Variants in SH3RF3 observed in about 807,000 individuals in gnomAD.
The protein encoded by SH3RF3 is SH3 domain containing ring finger 3.
In SH3RF3, 29 loss-of-function variants were observed where a neutral mutation model predicts 66.3. That is an observed-to-expected ratio of 0.44 (90% CI 0.33 to 0.60). SH3RF3 has a LOEUF of 0.60. Among genes scored for constraint, SH3RF3 ranks in the 20% least tolerant of loss-of-function variants. The probability of loss-of-function intolerance (pLI) is 0.04; values close to 1 mark genes in which losing one functional copy is unlikely to be tolerated. For missense variants in SH3RF3, 1,194 were observed against 1,190.9 expected (o/e 1.00, Z -0.04); for synonymous variants, 583 against 532.0 (o/e 1.10, Z -1.32).
chr2:109,442,764 C>A (rs1297518642), intron 7 of SH3RF3, among the ~76,000 whole-genome samples: 1 of 151,964 alleles, frequency 6.6e-6, no homozygotes, highest in African/African-American at 2.4e-5. Context: ...ATGAAAACAT[C>A]CAAAAGAAAG....
intron 1 of SH3RF3, among the ~76,000 whole-genome samples, chr2:109,188,131 G>A (rs1228132674): frequency 6.6e-6 from 1 of 152,248 alleles, no homozygotes; most frequent in Non-Finnish European, 1.5e-5. Context: ...ATGAGCATGG[G>A]AAACAAAATA....
chr2:109,477,626 G>A (rs1375048846), intron 8 of SH3RF3, among the ~76,000 whole-genome samples: 1 of 152,040 alleles, frequency 6.6e-6, no homozygotes, highest in African/African-American at 2.4e-5. Flanking sequence ...GTGTGTGTGT[G>A]TGTGTGTGTG....
At position 109,241,647 on chromosome 2, in the gene SH3RF3, C is replaced by G. The variant is rs372232906; in HGVS notation, c.574-106027C>G. On this transcript the variant is annotated intron_variant, in intron 1 of 9. Transcript: ENST00000309415. ...GGGCCCCTGGGACTCTCTGTCTCCC[C>G]GCCTCGCCATGGTGAGGGTTCGGCA... is the stretch of plus-strand genomic sequence containing the variant. Among the ~76,000 whole-genome samples, 70 of 152,230 alleles carry G rather than the reference C, an allele frequency of 4.6e-4. 1 individual carries two copies. The East Asian group carries it at 0.013, about 28-fold the overall frequency.
intron 8 of SH3RF3, among the ~76,000 whole-genome samples, chr2:109,450,835 T>C (rs775272872): frequency 6.6e-6 from 1 of 152,378 alleles, no homozygotes; most frequent in Non-Finnish European, 1.5e-5. Flanking sequence ...GGGATTGTTC[T>C]CTCTTGGCTT....
intron 8 of SH3RF3, among the ~76,000 whole-genome samples, chr2:109,472,367 G>A (rs1678541688): frequency 6.6e-6 from 1 of 152,042 alleles, no homozygotes; most frequent in Non-Finnish European, 1.5e-5. Flanking sequence ...TGCATGCAGG[G>A]TGTCCTGGAA....
At chr2:109,376,296 G>C (rs78139368) in intron 3 of SH3RF3, among the ~76,000 whole-genome samples, 3,487 of 152,352 alleles carry the variant, frequency 0.023, 64 homozygotes, top group South Asian at 0.049. Flanking sequence ...CACAGGTCCA[G>C]GGTGTGGACG....
chr2:109,130,571 G>T (rs1353431867), intron 1 of SH3RF3, among the ~76,000 whole-genome samples: 1 of 152,114 alleles, frequency 6.6e-6, no homozygotes, highest in Non-Finnish European at 1.5e-5. Context: ...CTGCGGTGTG[G>T]CTAAGGAGGG....
At chr2:109,248,017 G>C (rs1279304461) in intron 1 of SH3RF3, among the ~76,000 whole-genome samples, 1 of 152,178 alleles carries the variant, frequency 6.6e-6, no homozygotes, top group Non-Finnish European at 1.5e-5. Flanking sequence ...TCACAGGGCT[G>C]CCAAATCTAG....
intron 4 of SH3RF3, 41 bp from the exon 5 acceptor site, chr2:109,419,498 T>C: frequency 6.5e-7 from 1 of 1,542,588 alleles, no homozygotes; most frequent in Middle Eastern, 1.7e-4. Flanking sequence ...TTGGATGGAG[T>C]CTCTGTCTCC....
intron 7 of SH3RF3, among the ~76,000 whole-genome samples, chr2:109,438,979 G>T (rs997679454): frequency 6.6e-6 from 1 of 152,172 alleles, no homozygotes; most frequent in Admixed American, 6.5e-5. Context: ...CACTCATCAC[G>T]GTGAGTCAGC....
At chr2:109,206,781 A>C (rs939456453) in intron 1 of SH3RF3, among the ~76,000 whole-genome samples, 1 of 152,202 alleles carries the variant, frequency 6.6e-6, no homozygotes, top group African/African-American at 2.4e-5. Context: ...GTGCCACTGC[A>C]CTCCAGCCTG....
intron 1 of SH3RF3, among the ~76,000 whole-genome samples, chr2:109,226,729 C>A (rs898810969): frequency 2.2e-4 from 33 of 152,182 alleles, no homozygotes; most frequent in African/African-American, 7.5e-4. Flanking sequence ...ACGCAGAAGG[C>A]GTGGTGCTGG....
At chr2:109,175,096 G>GC (rs11408935) in intron 1 of SH3RF3, among the ~76,000 whole-genome samples, 39,927 of 152,032 alleles carry the variant, frequency 0.26, 5,562 homozygotes, top group East Asian at 0.42. Flanking sequence ...GCTAAGAAGT[G>GC]CATTCATGCC....
chr2:109,381,682 T>C (rs1675677509), intron 3 of SH3RF3, among the ~76,000 whole-genome samples: 1 of 151,988 alleles, frequency 6.6e-6, no homozygotes, highest in African/African-American at 2.4e-5. Flanking sequence ...GATGGCTAAA[T>C]AGTAGAAAGG....
chr2:109,203,093 A>C (rs554826359), intron 1 of SH3RF3, among the ~76,000 whole-genome samples: 4 of 152,308 alleles, frequency 2.6e-5, no homozygotes, highest in African/African-American at 9.6e-5. Flanking sequence ...AGCCTGGAAC[A>C]CTGGTGGCCC....
At chr2:109,369,507 T>C (rs1683219970) in intron 2 of SH3RF3, among the ~76,000 whole-genome samples, 1 of 152,148 alleles carries the variant, frequency 6.6e-6, no homozygotes, top group Admixed American at 6.5e-5. Flanking sequence ...TGGCCTATAA[T>C]GTCAGTTGGA....
intron 8 of SH3RF3, among the ~76,000 whole-genome samples, chr2:109,452,684 G>T (rs925034327): frequency 6.6e-6 from 1 of 152,248 alleles, no homozygotes; most frequent in Non-Finnish European, 1.5e-5. Context: ...TGTGGTGTCA[G>T]TGGCTATGGT....
chr2:109,435,733 AT>A (rs1356942488), intron 6 of SH3RF3, among the ~76,000 whole-genome samples: 8 of 152,214 alleles, frequency 5.3e-5, no homozygotes, highest in Non-Finnish European at 1.2e-4. Flanking sequence ...CACCTTGCAA[AT>A]TAGTGACTCA....
intron 8 of SH3RF3, among the ~76,000 whole-genome samples, chr2:109,478,564 G>A (rs562915800): frequency 1.5e-3 from 235 of 152,244 alleles, no homozygotes; most frequent in Non-Finnish European, 2.9e-3. Flanking sequence ...CTATTATTTG[G>A]ATGTCTGGTA....
Sources: allele counts gnomAD v4.1 joint callset (sites outside exome capture counted in the v4.1 genomes callset), GRCh38; gene constraint gnomAD v4.1.1; transcripts MANE v1.5; gene names NCBI Gene and HGNC (gene_info 2026-07-23, HGNC 2026-07-21).